Variants in ACSM1 observed in about 807,000 individuals in gnomAD.
The protein encoded by ACSM1 is acyl-CoA synthetase medium chain family member 1.
ACSM1 carries 79 observed loss-of-function variants against 75.8 expected under a neutral mutation model. The ratio of observed to expected loss-of-function variants is 1.04; its 90% CI spans 0.87 to 1.26. ACSM1 has a LOEUF of 1.26. Ranked by LOEUF, ACSM1 falls within the 50% of genes most tolerant of loss-of-function variation. The pLI, the probability that ACSM1 is intolerant of heterozygous loss-of-function variation, is 0.00. For synonymous variants in ACSM1, 279 were observed against 265.8 expected (o/e 1.05, Z -0.48); for missense variants, 676 against 720.1 (o/e 0.94, Z 0.70).
intron 4 of ACSM1, among the ~76,000 whole-genome samples, chr16:20,672,860 A>G (rs2152275515): frequency 7.7e-6 from 1 of 130,110 alleles, no homozygotes. Flanking sequence ...TATATGTAAT[A>G]TATAATATAT....
intron 10 of ACSM1, among the ~76,000 whole-genome samples, chr16:20,635,009 A>G (rs2017577315): frequency 6.6e-6 from 1 of 152,156 alleles, no homozygotes; most frequent in Non-Finnish European, 1.5e-5. Flanking sequence ...AACCCAAAGA[A>G]GTCCCAATGG....
intron 11 of ACSM1, 106 bp from the exon 12 acceptor site, chr16:20,625,628 C>A: frequency 1.0e-6 from 1 of 1,002,034 alleles, no homozygotes; most frequent in Non-Finnish European, 1.5e-6. Context: ...GGGTGGAGGT[C>A]ATAGGAAGCC....
At chr16:20,682,165 C>T in intron 4 of ACSM1, 91 bp downstream of exon 4, 2 of 1,258,962 alleles carry the variant, frequency 1.6e-6, no homozygotes, top group South Asian at 1.3e-5. Flanking sequence ...ATAATAAATA[C>T]ATCCTCCTCA....
intron 7 of ACSM1, among the ~76,000 whole-genome samples, chr16:20,653,230 A>C (rs991571487): frequency 1.3e-5 from 2 of 152,326 alleles, no homozygotes; most frequent in African/African-American, 2.4e-5. Context: ...CTCTCAATAA[A>C]TTAGGTATTG....
At chr16:20,674,216 CT>C (rs2020130162) in intron 4 of ACSM1, 9 of 322,264 alleles carry the variant, frequency 2.8e-5, no homozygotes, top group Non-Finnish European at 1.3e-5. Context: ...TAAAAATTAA[CT>C]GCCTGTTTCT....
chr16:20,633,379 T>C (rs2017468717), intron 10 of ACSM1, among the ~76,000 whole-genome samples: 1 of 152,094 alleles, frequency 6.6e-6, no homozygotes, highest in African/African-American at 2.4e-5. Flanking sequence ...CACTAAAAAT[T>C]AAAAATCCAA....
At chr16:20,671,723 A>G (rs768683839) in intron 4 of ACSM1, 52 bp from the exon 5 acceptor site, 30 of 1,443,762 alleles carry the variant, frequency 2.1e-5, no homozygotes, top group Non-Finnish European at 2.7e-5. Flanking sequence ...CTGTTTCTTC[A>G]TCTTCTGGGA....
chr16:20,693,527 AC>A (rs2079674116), intron 1 of ACSM1, among the ~76,000 whole-genome samples: 2 of 152,228 alleles, frequency 1.3e-5, no homozygotes, highest in African/African-American at 4.8e-5. Context: ...CCTCTTGCTC[AC>A]TTTCAACAAT....
intron 4 of ACSM1, chr16:20,681,993 A>G (rs1045595312): frequency 2.0e-5 from 7 of 347,352 alleles, no homozygotes; most frequent in Admixed American, 8.2e-5. Flanking sequence ...ATGATGTAAT[A>G]CATGTCTCAA....
chr16:20,668,248 A>G (rs1023610122), intron 6 of ACSM1, among the ~76,000 whole-genome samples: 1 of 152,252 alleles, frequency 6.6e-6, no homozygotes, highest in Non-Finnish European at 1.5e-5. Context: ...ATTCATAAAA[A>G]TAGTAAGTGG....
chr16:20,685,590 G>A (rs1438285915), intron 2 of ACSM1, among the ~76,000 whole-genome samples, 187 bp from the exon 3 acceptor site: 1 of 151,958 alleles, frequency 6.6e-6, no homozygotes, highest in Non-Finnish European at 1.5e-5. Context: ...AGGAGGTGGA[G>A]GCAGGTTGAT....
At chr16:20,682,172 C>A in intron 4 of ACSM1, 84 bp downstream of exon 4, 1 of 1,368,056 alleles carries the variant, frequency 7.3e-7, no homozygotes, top group Non-Finnish European at 1.0e-6. Flanking sequence ...ATACATCCTC[C>A]TCAACCCCAC....
At chr16:20,661,238 C>T (rs953288802) in intron 7 of ACSM1, among the ~76,000 whole-genome samples, 4 of 152,108 alleles carry the variant, frequency 2.6e-5, no homozygotes, top group Non-Finnish European at 4.4e-5. Context: ...AGATAAACTA[C>T]AGCAATATGC....
At chr16:20,675,865 C>T (rs1318021396) in intron 4 of ACSM1, among the ~76,000 whole-genome samples, 3 of 152,196 alleles carry the variant, frequency 2.0e-5, no homozygotes, top group African/African-American at 4.8e-5. Flanking sequence ...GCTGCGCTGG[C>T]GGCTACGGAG....
chr16:20,625,598 A>C lies in ACSM1; in HGVS notation c.1428-76T>G. On this transcript the variant is annotated intron_variant, in intron 11 of 13. Coordinates refer to ENST00000520010, the MANE Select transcript of ACSM1 (RefSeq NM_001318890.3). ...TCCCCAGATCTCCTGCTTTGGAGTC[A>C]CAGCTTCCTTTGGCACAGAGGGTGG... The C allele has an allele frequency of 1.5e-6, 2 of 1,367,768 alleles. 1 individual carries two copies. Among genetic ancestry groups the C allele is most frequent in the South Asian group, 2.5e-5 (2 of 79,558 alleles). 84.7% of individuals were successfully genotyped at this position (1,367,768 alleles called of 1,614,324 possible). A position where few individuals can be genotyped will look rare whatever the true frequency, so the allele number is the denominator to read the frequency against.
chr16:20,685,832 C>CAA (rs1469791653), intron 2 of ACSM1, among the ~76,000 whole-genome samples: 5 of 72,128 alleles, frequency 6.9e-5, no homozygotes, highest in African/African-American at 1.3e-4. Context: ...AAAAAAAAAA[C>CAA]AAACAAAAAA....
At chr16:20,671,205 C>T (rs567291958) in intron 5 of ACSM1, among the ~76,000 whole-genome samples, 1 of 152,218 alleles carries the variant, frequency 6.6e-6, no homozygotes, top group African/African-American at 2.4e-5. Context: ...CACTGTCAGG[C>T]TTGTCATGTG....
intron 10 of ACSM1, among the ~76,000 whole-genome samples, chr16:20,631,476 T>G (rs1297102291): frequency 6.6e-6 from 1 of 152,188 alleles, no homozygotes; most frequent in Non-Finnish European, 1.5e-5. Context: ...CTTCAAGAAC[T>G]AAAAGTAGAA....
At chr16:20,661,699 C>A in intron 7 of ACSM1, 95 bp downstream of exon 7, 1 of 894,154 alleles carries the variant, frequency 1.1e-6, no homozygotes, top group Non-Finnish European at 1.8e-6. Flanking sequence ...AACACACACA[C>A]ACTCCTCAAA....
Sources: allele counts gnomAD v4.1 joint callset (sites outside exome capture counted in the v4.1 genomes callset), GRCh38; gene constraint gnomAD v4.1.1; transcripts MANE v1.5; gene names NCBI Gene and HGNC (gene_info 2026-07-23, HGNC 2026-07-21).